PPTC7: variants seen among roughly 807,000 people sequenced by gnomAD.
The protein encoded by PPTC7 is protein phosphatase targeting COQ7.
Under a neutral mutation model 30.8 loss-of-function variants are expected in PPTC7, and 6 were observed. The ratio of observed to expected loss-of-function variants is 0.19; its 90% confidence interval spans 0.11 to 0.38. The LOEUF is 0.38. PPTC7 is among the 10% of genes least tolerant of loss of function. The pLI is 1.00. For missense variants in PPTC7, 218 were observed against 404.8 expected (o/e 0.54, Z 3.96); for synonymous variants, 163 against 168.1 (o/e 0.97, Z 0.23).
chr12:110,578,900 C>T (rs372110251), intron 1 of PPTC7, among the ~76,000 whole-genome samples: 7 of 152,286 alleles, frequency 4.6e-5, no homozygotes, highest in Non-Finnish European at 7.4e-5. Context: ...AATCCTAGCA[C>T]TTTGGGAGGC....
chr12:110,548,354 T>G (rs1012863058), intron 2 of PPTC7, among the ~76,000 whole-genome samples: 1 of 152,184 alleles, frequency 6.6e-6, no homozygotes, highest in Non-Finnish European at 1.5e-5. Context: ...ATACATGTCT[T>G]TCTCATGCTA....
intron 1 of PPTC7, among the ~76,000 whole-genome samples, chr12:110,561,698 T>C (rs2064438957): frequency 6.6e-6 from 1 of 152,188 alleles, no homozygotes; most frequent in Non-Finnish European, 1.5e-5. Context: ...GGCTCATGCC[T>C]GTAATCCCAG....
rs1188867672 is a variant in PPTC7, at chr12:110,534,883, TGAC to T, written c.*2151_*2153del. 1 of 152,576 alleles carries T rather than the reference TGAC, an allele frequency of 6.6e-6. No homozygotes were observed. Among genetic ancestry groups the T allele is most frequent in the Non-Finnish European group, 1.5e-5 (1 of 68,030 alleles). The allele number at this position is 152,576 out of a possible 1,614,324, so 9.5% of individuals were successfully genotyped here. Reference sequence around the variant, plus strand: ...TGAGAGCAGAGAAAAACCAGAAACTTGACGAGCACTGCTCTTACCAGGAATTAA... The same window carrying T: ...TGAGAGCAGAGAAAAACCAGAAACTTGAGCACTGCTCTTACCAGGAATTAA... On this transcript the variant is annotated 3_prime_UTR_variant, in exon 6 of 6. Coordinates refer to ENST00000354300, the MANE Select transcript of PPTC7 (RefSeq NM_139283.2).
At chr12:110,558,765 C>T (rs1021623054) in intron 1 of PPTC7, among the ~76,000 whole-genome samples, 6 of 151,968 alleles carry the variant, frequency 3.9e-5, no homozygotes, top group African/African-American at 1.4e-4. Flanking sequence ...AGCTACCACG[C>T]TCCGCTAATT....
chr12:110,572,374 G>A (rs1402747110), intron 1 of PPTC7, among the ~76,000 whole-genome samples: 1 of 152,180 alleles, frequency 6.6e-6, no homozygotes, highest in Non-Finnish European at 1.5e-5. Flanking sequence ...CCGGGAGGTG[G>A]AGGCTGCAGT....
At chr12:110,579,575 G>A (rs1300998373) in intron 1 of PPTC7, among the ~76,000 whole-genome samples, 1 of 152,128 alleles carries the variant, frequency 6.6e-6, no homozygotes, top group Admixed American at 6.5e-5. Flanking sequence ...TCTGTGCACA[G>A]GGTCCTGATC....
At chr12:110,567,900 G>C (rs974915103) in intron 1 of PPTC7, among the ~76,000 whole-genome samples, 2 of 152,108 alleles carry the variant, frequency 1.3e-5, no homozygotes, top group East Asian at 1.9e-4. Context: ...GTGCACTCTT[G>C]AATTCTGAAC....
intron 1 of PPTC7, among the ~76,000 whole-genome samples, chr12:110,574,848 G>A (rs557174809): frequency 4.8e-4 from 73 of 151,948 alleles, no homozygotes; most frequent in Non-Finnish European, 8.5e-4. Flanking sequence ...GCACGATCTC[G>A]GGTCACTGCA....
intron 1 of PPTC7, among the ~76,000 whole-genome samples, chr12:110,574,815 A>G (rs2064573964): frequency 1.3e-5 from 2 of 152,072 alleles, no homozygotes; most frequent in African/African-American, 4.8e-5. Context: ...GACTGGCTCT[A>G]TCATCCAGGC....
At chr12:110,572,042 T>C (rs994412717) in intron 1 of PPTC7, among the ~76,000 whole-genome samples, 1 of 152,234 alleles carries the variant, frequency 6.6e-6, no homozygotes, top group African/African-American at 2.4e-5. Context: ...GAAGCACTTT[T>C]TGTTTGCCTC....
At chr12:110,578,207 A>C (rs1357159992) in intron 1 of PPTC7, among the ~76,000 whole-genome samples, 2 of 152,194 alleles carry the variant, frequency 1.3e-5, no homozygotes, top group African/African-American at 4.8e-5. Context: ...ACAGTCTTTG[A>C]TTCTATTGTT....
intron 1 of PPTC7, among the ~76,000 whole-genome samples, chr12:110,564,527 T>G (rs1376953996): frequency 6.6e-6 from 1 of 152,124 alleles, no homozygotes; most frequent in Non-Finnish European, 1.5e-5. Context: ...AAGCCATATA[T>G]CCTTGACCTA....
In PPTC7 at chr12:110,577,166, C is replaced by CAAA. The variant is rs34958891; in HGVS notation, c.223+5640_223+5642dup. ...TGGGCACAAGGGCGAGACTCTGTCTCAAAAAAAAAAAAAAAAAAAAAATTC... is the reference window on the plus strand; with the variant it reads ...TGGGCACAAGGGCGAGACTCTGTCTCAAAAAAAAAAAAAAAAAAAAAAAAATTC... On this transcript the variant is annotated intron_variant, in intron 1 of 5. Coordinates refer to ENST00000354300, the MANE Select transcript of PPTC7 (RefSeq NM_139283.2). 3.2e-3 allele frequency among the ~76,000 whole-genome samples: 256 copies of CAAA among 80,612 alleles called. 5 individuals carry two copies. The highest frequency in any genetic ancestry group is 0.019 in the South Asian group (46 of 2,380). 52.9% of individuals were successfully genotyped at this position (80,612 alleles called of 152,430 possible). A position where few individuals can be genotyped will look rare whatever the true frequency, so the allele number is the denominator to read the frequency against.
chr12:110,561,175 G>A (rs1446007370), intron 1 of PPTC7, among the ~76,000 whole-genome samples: 1 of 152,114 alleles, frequency 6.6e-6, no homozygotes, highest in Admixed American at 6.5e-5. Flanking sequence ...AAAGACTTTA[G>A]TGTTCTCAGA....
chr12:110,552,825 C>T (rs1306259983), intron 1 of PPTC7, among the ~76,000 whole-genome samples: 2 of 152,118 alleles, frequency 1.3e-5, no homozygotes, highest in African/African-American at 4.8e-5. Context: ...GATCGTGCCA[C>T]TTCACTCCAG....
chr12:110,578,762 G>A (rs764656478), intron 1 of PPTC7, among the ~76,000 whole-genome samples: 8 of 152,250 alleles, frequency 5.3e-5, no homozygotes, highest in East Asian at 1.9e-4. Context: ...TAAGTTCAAC[G>A]TAACGTTATT....
intron 1 of PPTC7, among the ~76,000 whole-genome samples, chr12:110,569,302 C>T (rs1050164719): frequency 1.3e-5 from 2 of 151,980 alleles, no homozygotes; most frequent in Non-Finnish European, 2.9e-5. Context: ...CACTGCCCTC[C>T]AGCCTGGGCG....
chr12:110,569,238 AAGG>A (rs2064512425), intron 1 of PPTC7, among the ~76,000 whole-genome samples: 2 of 151,702 alleles, frequency 1.3e-5, no homozygotes, highest in African/African-American at 4.8e-5. Flanking sequence ...AAGGCTAAGG[AAGG>A]AGAATTGCTT....
chr12:110,565,856 T>C (rs1424105142), intron 1 of PPTC7, among the ~76,000 whole-genome samples: 1 of 151,826 alleles, frequency 6.6e-6, no homozygotes, highest in African/African-American at 2.4e-5. Flanking sequence ...TATGCACCAA[T>C]AAAAACAAAA....
Sources: allele counts gnomAD v4.1 joint callset (sites outside exome capture counted in the v4.1 genomes callset), GRCh38; gene constraint gnomAD v4.1.1; transcripts MANE v1.5; gene names NCBI Gene and HGNC (gene_info 2026-07-23, HGNC 2026-07-21).